KPNA3: variants seen among roughly 807,000 people sequenced by gnomAD.
The protein encoded by KPNA3 is karyopherin subunit alpha 3, also known as importin subunit alpha-4.
A neutral mutation model predicts 73.8 loss-of-function variants in KPNA3; 13 were observed. The ratio of observed to expected loss-of-function variants is 0.18; its 90% CI spans 0.11 to 0.28. The LOEUF (loss-of-function observed/expected upper bound fraction) is 0.28. KPNA3 is among the 10% of genes least tolerant of loss of function. KPNA3 has a pLI of 1.00. For missense variants in KPNA3, 360 were observed against 618.1 expected, an observed-to-expected ratio of 0.58 and a Z score of 4.43; for synonymous variants, 186 against 206.9, an observed-to-expected ratio of 0.90 and a Z score of 0.87.
chr13:49,718,242 A>G (rs9596179), intron 10 of KPNA3, among the ~76,000 whole-genome samples: 12,364 of 152,258 alleles, frequency 0.081, 585 homozygotes, highest in South Asian at 0.12. Flanking sequence ...ATTTCTTGAC[A>G]TAAGTTCTTT....
intron 1 of KPNA3, among the ~76,000 whole-genome samples, chr13:49,774,681 C>T (rs1443563626): frequency 1.3e-5 from 2 of 152,148 alleles, no homozygotes; most frequent in Non-Finnish European, 2.9e-5. Flanking sequence ...TAAAGTTTAG[C>T]CATGACCACA....
intron 2 of KPNA3, among the ~76,000 whole-genome samples, chr13:49,744,183 T>C (rs1954597010): frequency 6.6e-6 from 1 of 152,254 alleles, no homozygotes; most frequent in East Asian, 1.9e-4. Context: ...TTACGACGTG[T>C]GGACTTTTTG....
intron 2 of KPNA3, among the ~76,000 whole-genome samples, chr13:49,737,891 T>C (rs1954538886): frequency 6.6e-6 from 1 of 152,228 alleles, no homozygotes; most frequent in Non-Finnish European, 1.5e-5. Context: ...TCTTTTCATA[T>C]GGGCTCTCAC....
chr13:49,704,473 ATAAATAAAT>A (rs1168887051), intron 15 of KPNA3, among the ~76,000 whole-genome samples: 6 of 109,626 alleles, frequency 5.5e-5, no homozygotes, highest in South Asian at 3.0e-4. Flanking sequence ...AAATAAATAA[ATAAATAAAT>A]AGAAAGAAAG....
chr13:49,746,891 C>A (rs1230845721), intron 2 of KPNA3, 58 bp downstream of exon 2: 1 of 1,298,426 alleles, frequency 7.7e-7, no homozygotes, highest in African/African-American at 1.5e-5. Flanking sequence ...TCAAGATACA[C>A]AGAATTTTAA....
intron 1 of KPNA3, among the ~76,000 whole-genome samples, chr13:49,768,567 ATTTTTTTTTTTTTT>A (rs67753113): frequency 1.5e-5 from 1 of 64,894 alleles, no homozygotes; most frequent in Non-Finnish European, 2.9e-5. Flanking sequence ...GGGTTAATCA[ATTTTTTTTTTTTTT>A]TTTTTTTTTT....
intron 6 of KPNA3, among the ~76,000 whole-genome samples, chr13:49,730,051 T>C (rs1180694007): frequency 2.0e-5 from 3 of 152,068 alleles, no homozygotes; most frequent in Admixed American, 6.6e-5. Flanking sequence ...TCACGGAAAA[T>C]TTTCTGTTTT....
In KPNA3 at chr13:49,724,893, T is replaced by A. The variant is rs1441789300; in HGVS notation, c.469+523A>T. 5.9e-5 allele frequency among the ~76,000 whole-genome samples: 9 copies of A among 152,184 alleles called. No individual in the cohort carries two copies. The East Asian group carries it at 1.7e-3, about 29-fold the overall frequency. ...ATTAGAGGCATGAGCCACCTGTGGG[T>A]CTGGTGAGAATAGTATTCTCAATAC... On this transcript the variant is annotated intron_variant, in intron 7 of 16. Coordinates refer to ENST00000261667, the MANE Select transcript of KPNA3 (RefSeq NM_002267.4).
chr13:49,781,348 T>C (rs184711251), intron 1 of KPNA3, among the ~76,000 whole-genome samples: 2 of 152,340 alleles, frequency 1.3e-5, no homozygotes, highest in Non-Finnish European at 2.9e-5. Context: ...GTTGGAAATC[T>C]GGGACTCAGT....
intron 2 of KPNA3, among the ~76,000 whole-genome samples, chr13:49,744,429 CTAA>C (rs933574518): frequency 6.6e-6 from 1 of 151,964 alleles, no homozygotes; most frequent in African/African-American, 2.4e-5. Context: ...GTTTATTATG[CTAA>C]TGTTTATTAA....
At chr13:49,716,218 C>T (rs1196319813) in intron 10 of KPNA3, among the ~76,000 whole-genome samples, 1 of 152,112 alleles carries the variant, frequency 6.6e-6, no homozygotes, top group East Asian at 1.9e-4. Context: ...GCTTGAACTC[C>T]TGGGCTCAAG....
intron 1 of KPNA3, among the ~76,000 whole-genome samples, chr13:49,770,283 C>T (rs2137592820): frequency 6.7e-6 from 1 of 149,984 alleles, no homozygotes; most frequent in African/African-American, 2.5e-5. Context: ...ACCAGTGATC[C>T]TCCCACCTCA....
intron 1 of KPNA3, among the ~76,000 whole-genome samples, chr13:49,788,195 G>A (rs9591301): frequency 0.089 from 13,602 of 152,196 alleles, 670 homozygotes; most frequent in South Asian, 0.12. Context: ...AACAATAAAT[G>A]TTAAGGTTTT....
chr13:49,752,455 C>CA (rs1403513379), intron 1 of KPNA3, among the ~76,000 whole-genome samples: 1 of 152,090 alleles, frequency 6.6e-6, no homozygotes, highest in Non-Finnish European at 1.5e-5. Context: ...GAATAGGAAA[C>CA]AGAGTGTTGC....
At chr13:49,784,092 A>T (rs1242590083) in intron 1 of KPNA3, among the ~76,000 whole-genome samples, 1 of 152,140 alleles carries the variant, frequency 6.6e-6, no homozygotes, top group East Asian at 1.9e-4. Flanking sequence ...ATCGCTACAA[A>T]AAGTAAATAA....
intron 2 of KPNA3, among the ~76,000 whole-genome samples, chr13:49,736,719 T>C (rs751287235): frequency 6.6e-6 from 1 of 152,184 alleles, no homozygotes; most frequent in Admixed American, 6.5e-5. Flanking sequence ...TTACATCCCA[T>C]ACAATTTTAT....
chr13:49,738,082 T>C (rs1471397981), intron 2 of KPNA3, among the ~76,000 whole-genome samples: 1 of 152,220 alleles, frequency 6.6e-6, no homozygotes, highest in African/African-American at 2.4e-5. Flanking sequence ...TATTTTTGCA[T>C]AAGGTGTGAA....
At chr13:49,723,868 T>TAAA (rs34273881) in intron 7 of KPNA3, among the ~76,000 whole-genome samples, 1 of 127,862 alleles carries the variant, frequency 7.8e-6, no homozygotes, top group Non-Finnish European at 1.6e-5. Flanking sequence ...GACTCCGTCT[T>TAAA]AAAAAAAAAA....
chr13:49,770,833 C>CTA (rs1351762618), intron 1 of KPNA3, among the ~76,000 whole-genome samples: 1 of 135,530 alleles, frequency 7.4e-6, no homozygotes, highest in African/African-American at 2.9e-5. Context: ...TACCCACCTA[C>CTA]CAAAAAAAAA....
Sources: gnomAD v4.1 joint callset for allele counts (sites outside exome capture counted in the v4.1 genomes callset) on GRCh38, gnomAD v4.1.1 for gene constraint, MANE v1.5 for transcripts, NCBI Gene and HGNC (gene_info 2026-07-23, HGNC 2026-07-21) for gene names.